The following HLTF variants were observed in gnomAD, a reference collection of about 807,000 sequenced individuals.
The protein encoded by HLTF is helicase like transcription factor.
HLTF carries 127 observed loss-of-function variants against 129.4 expected under a neutral mutation model. That is an observed-to-expected ratio of 0.98 (90% CI 0.85 to 1.14). HLTF has a LOEUF of 1.14. Among genes scored for constraint, HLTF ranks in the 50% most tolerant of loss-of-function variants. The probability of loss-of-function intolerance (pLI) is 0.00; values close to 1 mark genes in which losing one functional copy is unlikely to be tolerated. For missense variants in HLTF, 1,139 were observed against 1,187.1 expected, an observed-to-expected ratio of 0.96 and a Z score of 0.60; for synonymous variants, 332 against 388.8, an observed-to-expected ratio of 0.85 and a Z score of 1.72.
In HLTF at chr3:149,032,356, G is replaced by A; in HGVS notation, c.2894C>T (p.Ser965Phe). 1 of 1,554,532 alleles carries A rather than the reference G, an allele frequency of 6.4e-7. No individual in the cohort carries two copies. The highest frequency in any genetic ancestry group is 8.7e-7 in the Non-Finnish European group (1 of 1,149,396). The change falls in exon 25 of 25, where the codon TCT becomes TTT. Residue 965 changes from serine (S) to phenylalanine (F), a missense_variant. Transcript: ENST00000310053. ...VIITKFIVKD[S>F]VEENMLKIQN... ...TATTTTCAGCATATTTTCTTCAACA[G>A]AGTCCTTTACAATGAACTTTAAAAA...
intron 19 of HLTF, 52 bp from the exon 20 acceptor site, chr3:149,041,720 A>G: frequency 7.8e-7 from 1 of 1,285,000 alleles, no homozygotes; most frequent in Non-Finnish European, 1.1e-6. Context: ...TAATATGACA[A>G]GTTAATCTAT....
chr3:149,073,401 T>C (rs1719039573), intron 4 of HLTF, 79 bp from the exon 5 acceptor site: 1 of 1,001,790 alleles, frequency 1.0e-6, no homozygotes, highest in African/African-American at 1.6e-5. Flanking sequence ...TTTTAAAATA[T>C]GCATTAACAG....
chr3:149,083,321 TC>T (rs1482692549), intron 2 of HLTF, among the ~76,000 whole-genome samples: 1 of 152,074 alleles, frequency 6.6e-6, no homozygotes, highest in Non-Finnish European at 1.5e-5. Context: ...AACATAGTGT[TC>T]CTGGAAAAAA....
intron 23 of HLTF, among the ~76,000 whole-genome samples, chr3:149,037,078 T>A (rs1291546348): frequency 6.6e-6 from 1 of 152,238 alleles, no homozygotes; most frequent in Non-Finnish European, 1.5e-5. Flanking sequence ...CTGGATTAAT[T>A]AATATTCAAC....
intron 24 of HLTF, among the ~76,000 whole-genome samples, chr3:149,033,877 C>T (rs909320385): frequency 6.6e-6 from 1 of 151,996 alleles, no homozygotes; most frequent in Admixed American, 6.5e-5. Flanking sequence ...CGTTTTAAAT[C>T]ATAAAAATTT....
chr3:149,079,248 C>T (rs141399797), intron 2 of HLTF, among the ~76,000 whole-genome samples: 2,015 of 151,476 alleles, frequency 0.013, 41 homozygotes, highest in African/African-American at 0.047. Flanking sequence ...CACTACTCTA[C>T]ACATATAAGA....
At chr3:149,054,626 C>T (rs1034916760) in intron 14 of HLTF, among the ~76,000 whole-genome samples, 1 of 151,802 alleles carries the variant, frequency 6.6e-6, no homozygotes, top group Non-Finnish European at 1.5e-5. Flanking sequence ...ATCCAGGCTG[C>T]AAATAAACAA....
intron 16 of HLTF, among the ~76,000 whole-genome samples, chr3:149,048,471 G>A (rs1716731859): frequency 6.6e-6 from 1 of 152,152 alleles, no homozygotes; most frequent in African/African-American, 2.4e-5. Context: ...AGCACTAGCA[G>A]AAGGAAAAAG....
At chr3:149,060,591 T>A (rs1216155607) in intron 12 of HLTF, 52 bp downstream of exon 12, 8 of 1,371,950 alleles carry the variant, frequency 5.8e-6, no homozygotes, top group Non-Finnish European at 3.1e-6. Flanking sequence ...TCAATGGAGC[T>A]GTACTTTAAT....
In HLTF at chr3:149,068,049, A is replaced by G. The variant is rs115010561; in HGVS notation, c.990+191T>C. On this transcript the variant is annotated intron_variant, in intron 8 of 24. Coordinates refer to ENST00000310053, the MANE Select transcript of HLTF (RefSeq NM_003071.4). ...GCACTCCAGCCTGGGCAACAGAGCC[A>G]CACCTTGTCTGAAAACGTAAAAAGA... 1.8e-3 allele frequency among the ~76,000 whole-genome samples: 272 copies of G among 152,314 alleles called. 3 individuals are homozygous for G. The highest frequency in any genetic ancestry group is 6.5e-3 in the African/African-American group (269 of 41,572).
intron 10 of HLTF, chr3:149,063,053 A>G (rs945630080): frequency 2.2e-6 from 1 of 456,296 alleles, no homozygotes; most frequent in African/African-American, 2.0e-5. Context: ...GGTCATCTCT[A>G]TCTCTCTCTT....
At chr3:149,070,615 A>AT (rs1176676096) in intron 7 of HLTF, among the ~76,000 whole-genome samples, 1 of 152,248 alleles carries the variant, frequency 6.6e-6, no homozygotes, top group Non-Finnish European at 1.5e-5. Flanking sequence ...GTAAGGACAC[A>AT]TAAGTATCTA....
intron 2 of HLTF, among the ~76,000 whole-genome samples, chr3:149,081,535 C>A (rs1336162922): frequency 6.6e-6 from 1 of 151,832 alleles, no homozygotes; most frequent in African/African-American, 2.4e-5. Flanking sequence ...TTCAAGAGAG[C>A]CTGCCTTGAA....
chr3:149,073,187 A>G (rs779698623), intron 5 of HLTF, 38 bp downstream of exon 5: 6 of 1,396,734 alleles, frequency 4.3e-6, no homozygotes, highest in Non-Finnish European at 5.9e-6. Context: ...CAACATTTAA[A>G]ATTCACTTTT....
In HLTF at chr3:149,031,671, G is replaced by T. The variant is rs1406838351; in HGVS notation, c.*549C>A. 3 of 152,074 alleles carry T rather than the reference G, an allele frequency of 2.0e-5. No individual in the cohort carries two copies. The highest frequency in any genetic ancestry group is 4.4e-5 in the Non-Finnish European group (3 of 67,994). 9.4% of individuals were successfully genotyped at this position (152,074 alleles called of 1,614,324 possible). On this transcript the variant is annotated 3_prime_UTR_variant, in exon 25 of 25. Transcript: ENST00000310053. ...TGAACTATATCTCAATGTAGCTGTAGGAAAAATAAAAACCTGTGCTAACCT... is the reference window on the plus strand; with the variant it reads ...TGAACTATATCTCAATGTAGCTGTATGAAAAATAAAAACCTGTGCTAACCT...
rs562591993 is a variant in HLTF at position 149,051,032 on chromosome 3, GGAGA to G, written c.1474-661_1474-658del. Reference sequence around the variant, plus strand: ...GGGAGACACAGCTGGGAAGCTATGAGGAGAGAGATGATGAAGTCCTAAACCAGCA... The same window carrying G: ...GGGAGACACAGCTGGGAAGCTATGAGGAGATGATGAAGTCCTAAACCAGCA... On this transcript the variant is annotated intron_variant, in intron 14 of 24. Transcript: ENST00000310053. Among the ~76,000 whole-genome samples, 54 of 152,194 alleles carry G rather than the reference GGAGA, an allele frequency of 3.5e-4. 2 individuals carry two copies. The South Asian group carries it at 0.011, about 30-fold the overall frequency.
At chr3:149,056,150 A>G (rs984755484) in intron 13 of HLTF, among the ~76,000 whole-genome samples, 2 of 152,248 alleles carry the variant, frequency 1.3e-5, no homozygotes, top group African/African-American at 4.8e-5. Flanking sequence ...GTAAGAGACC[A>G]TAAGCCATTA....
chr3:149,044,352 T>C (rs763813347), intron 18 of HLTF, among the ~76,000 whole-genome samples: 1 of 152,168 alleles, frequency 6.6e-6, no homozygotes, highest in Non-Finnish European at 1.5e-5. Context: ...AGAATAACCT[T>C]TACTAACACT....
At chr3:149,065,076 AAAAT>A (rs1302094347) in intron 8 of HLTF, among the ~76,000 whole-genome samples, 4 of 152,156 alleles carry the variant, frequency 2.6e-5, no homozygotes, top group Non-Finnish European at 4.4e-5. Flanking sequence ...CAAAAAAAAA[AAAAT>A]AAATAAAACT....
Sources: gnomAD v4.1 joint callset for allele counts (sites outside exome capture counted in the v4.1 genomes callset) on GRCh38, gnomAD v4.1.1 for gene constraint, MANE v1.5 for transcripts, NCBI Gene and HGNC (gene_info 2026-07-23, HGNC 2026-07-21) for gene names.